The following PRKN variants were observed in gnomAD, a reference collection of about 807,000 sequenced individuals.
The protein encoded by PRKN is E3 ubiquitin-protein ligase parkin.
In PRKN, 56 loss-of-function variants were observed where a neutral mutation model predicts 59.5. The observed-to-expected ratio is 0.94, with a 90% CI of 0.76 to 1.18. The LOEUF is 1.18. Among genes scored for constraint, PRKN ranks in the 50% most tolerant of loss-of-function variants. The pLI, the probability that PRKN is intolerant of heterozygous loss-of-function variation, is 0.00. For synonymous variants in PRKN, 250 were observed against 222.1 expected, an observed-to-expected ratio of 1.13 and a Z score of -1.12; for missense variants, 657 against 596.4, an observed-to-expected ratio of 1.10 and a Z score of -1.06.
intron 7 of PRKN, among the ~76,000 whole-genome samples, chr6:161,681,430 C>CT (rs142593314): frequency 0.042 from 6,297 of 151,538 alleles, 207 homozygotes; most frequent in Non-Finnish European, 0.06. Context: ...AATTGCAACT[C>CT]TTTTTAAAGA....
rs542553276 is a variant in PRKN at position 161,718,764 on chromosome 6, G to A, written c.871+67008C>T. On this transcript the variant is annotated intron_variant, in intron 7 of 11. Transcript: ENST00000366898. ...ATCACTCTTTCTGGAAATGATGGGT[G>A]CAACTGGCTTTTAAATCTTCCTCCC... Among the ~76,000 whole-genome samples the A allele has an allele frequency of 2.0e-5, 3 of 152,282 alleles. No homozygotes were observed. In the South Asian group the frequency reaches 6.2e-4, roughly 32 times the overall value.
chr6:161,607,249 A>G (rs1782316130), intron 7 of PRKN, among the ~76,000 whole-genome samples: 1 of 152,222 alleles, frequency 6.6e-6, no homozygotes. Flanking sequence ...AGAATTTAAC[A>G]AGCCTGACCT....
chr6:162,476,409 G>C (rs1262721362), intron 1 of PRKN, among the ~76,000 whole-genome samples: 2 of 152,088 alleles, frequency 1.3e-5, no homozygotes, highest in Non-Finnish European at 2.9e-5. Flanking sequence ...CTGTGTATAT[G>C]TAAAATTTTT....
intron 2 of PRKN, among the ~76,000 whole-genome samples, chr6:162,381,899 A>T (rs540047788): frequency 6.6e-6 from 1 of 152,288 alleles, no homozygotes; most frequent in African/African-American, 2.4e-5. Flanking sequence ...GAATAAGGAA[A>T]ACTGCATTCA....
intron 4 of PRKN, among the ~76,000 whole-genome samples, chr6:162,109,471 C>G (rs1780330419): frequency 6.6e-6 from 1 of 152,140 alleles, no homozygotes; most frequent in Non-Finnish European, 1.5e-5. Context: ...GCAGCCCTGG[C>G]CAGGACGATG....
chr6:161,545,556 T>G lies in PRKN; in HGVS notation c.1083+3298A>C. On this transcript the variant is annotated intron_variant, in intron 9 of 11. Transcript: ENST00000366898. This position sits in a 1 kb window ranked among gnomAD's most constrained non-coding sequence, Gnocchi z 4.1. ...ATTTCTTCCAGACAATGGCTTTCCATTACACTCCTTAAACCCAGAAAAGAT... is the reference window on the plus strand; with the variant it reads ...ATTTCTTCCAGACAATGGCTTTCCAGTACACTCCTTAAACCCAGAAAAGAT... The G allele has an allele frequency of 1.3e-6, 1 of 757,722 alleles. No individual in the cohort carries two copies. Among genetic ancestry groups the G allele is most frequent in the South Asian group, 1.5e-5 (1 of 65,434 alleles). 46.9% of individuals were successfully genotyped at this position (757,722 alleles called of 1,614,324 possible).
chr6:161,493,281 T>G (rs1033576133), intron 9 of PRKN, among the ~76,000 whole-genome samples: 138 of 152,342 alleles, frequency 9.1e-4, no homozygotes, highest in Non-Finnish European at 3.7e-4. Flanking sequence ...TTTAAGCCCA[T>G]TATATTTAAT....
At chr6:162,480,891 C>T (rs1234615403) in intron 1 of PRKN, among the ~76,000 whole-genome samples, 7 of 152,040 alleles carry the variant, frequency 4.6e-5, no homozygotes, top group African/African-American at 7.2e-5. Flanking sequence ...CTGCACCCTC[C>T]GCCTCCTGGG....
chr6:162,494,887 T>C (rs942110692), intron 1 of PRKN, among the ~76,000 whole-genome samples: 2 of 152,202 alleles, frequency 1.3e-5, no homozygotes, highest in Non-Finnish European at 2.9e-5. Flanking sequence ...TAAGAGAATC[T>C]AATCCTATTT....
intron 4 of PRKN, among the ~76,000 whole-genome samples, chr6:162,119,255 C>A (rs1043270460): frequency 6.6e-6 from 1 of 152,128 alleles, no homozygotes; most frequent in African/African-American, 2.4e-5. Context: ...GGTAATCCTG[C>A]AATTGGCACA....
At chr6:161,426,676 C>CACACACACACATAT (rs11271613) in intron 9 of PRKN, among the ~76,000 whole-genome samples, 2 of 142,678 alleles carry the variant, frequency 1.4e-5, no homozygotes, top group African/African-American at 5.5e-5. Flanking sequence ...CACACACACA[C>CACACACACACATAT]CTCCTATTAG....
At chr6:162,098,530 T>C (rs576297874) in intron 4 of PRKN, among the ~76,000 whole-genome samples, 1 of 152,180 alleles carries the variant, frequency 6.6e-6, no homozygotes, top group African/African-American at 2.4e-5. Context: ...AGAAACCCCA[T>C]GCCTATGCTC....
At chr6:162,421,071 T>C (rs1194968807) in intron 2 of PRKN, among the ~76,000 whole-genome samples, 2 of 152,194 alleles carry the variant, frequency 1.3e-5, no homozygotes, top group Non-Finnish European at 2.9e-5. Flanking sequence ...TCACCACCGC[T>C]TTCTTATGAC....
chr6:161,904,308 GGTTTTT>G (rs1215834887), intron 6 of PRKN, among the ~76,000 whole-genome samples: 3 of 114,474 alleles, frequency 2.6e-5, no homozygotes, highest in African/African-American at 7.2e-5. Flanking sequence ...GAATTTGTGG[GGTTTTT>G]TTTTTTTTTT....
At chr6:162,279,715 C>G (rs1053487473) in intron 2 of PRKN, among the ~76,000 whole-genome samples, 7 of 152,104 alleles carry the variant, frequency 4.6e-5, no homozygotes, top group African/African-American at 1.7e-4. Context: ...GAGTTCAAGT[C>G]CTGAATAACC....
intron 7 of PRKN, among the ~76,000 whole-genome samples, chr6:161,735,098 C>A (rs562797923): frequency 2.3e-4 from 35 of 151,904 alleles, no homozygotes; most frequent in African/African-American, 8.2e-4. Flanking sequence ...GCCTCTGTTC[C>A]CCTTGTAGAG....
intron 6 of PRKN, among the ~76,000 whole-genome samples, chr6:161,883,723 C>A (rs534385618): frequency 6.6e-6 from 1 of 152,066 alleles, no homozygotes; most frequent in Non-Finnish European, 1.5e-5. Flanking sequence ...GAACTCAGCT[C>A]GCTGCTGAAA....
chr6:161,678,067 G>A (rs1785154502), intron 7 of PRKN, among the ~76,000 whole-genome samples: 1 of 151,908 alleles, frequency 6.6e-6, no homozygotes, highest in Non-Finnish European at 1.5e-5. Context: ...TGCTTTAAAT[G>A]GCAAAAAGTA....
At chr6:161,632,895 C>A (rs1054265406) in intron 7 of PRKN, among the ~76,000 whole-genome samples, 1 of 152,170 alleles carries the variant, frequency 6.6e-6, no homozygotes, top group Non-Finnish European at 1.5e-5. Context: ...TCAATTACCT[C>A]CCACTAGGTC....
Sources: allele counts gnomAD v4.1 joint callset (sites outside exome capture counted in the v4.1 genomes callset), GRCh38; gene constraint gnomAD v4.1.1; non-coding constraint Gnocchi (gnomAD v3.1); transcripts MANE v1.5; gene names NCBI Gene and HGNC (gene_info 2026-07-23, HGNC 2026-07-21).